Variants in DPP10 observed in about 807,000 individuals in gnomAD.
DPP10 encodes inactive dipeptidyl peptidase 10.
DPP10 carries 33 observed loss-of-function variants against 120.9 expected under a neutral mutation model. That is an observed-to-expected ratio of 0.27 (90% confidence interval 0.21 to 0.37). The LOEUF is 0.37. Ranked by LOEUF, DPP10 falls within the 10% of genes least tolerant of loss-of-function variation. The pLI, the probability that DPP10 is intolerant of heterozygous loss-of-function variation, is 1.00. For missense variants in DPP10, 816 were observed against 942.8 expected, an observed-to-expected ratio of 0.87 and a Z score of 1.76; for synonymous variants, 337 against 326.1, an observed-to-expected ratio of 1.03 and a Z score of -0.36.
At chr2:115,263,682 T>C (rs1574216607) in intron 1 of DPP10, among the ~76,000 whole-genome samples, 1 of 152,346 alleles carries the variant, frequency 6.6e-6, no homozygotes, top group African/African-American at 2.4e-5. Flanking sequence ...ATAAACATTC[T>C]ACTCTTGTAT....
intron 1 of DPP10, among the ~76,000 whole-genome samples, chr2:114,736,432 C>A (rs963182942): frequency 3.3e-5 from 5 of 152,150 alleles, no homozygotes; most frequent in African/African-American, 1.2e-4. Flanking sequence ...GATGGATTTA[C>A]ATGCATACAG....
chr2:115,076,088 T>G (rs1166562014), intron 1 of DPP10, among the ~76,000 whole-genome samples: 1 of 152,166 alleles, frequency 6.6e-6, no homozygotes, highest in Admixed American at 6.5e-5. Flanking sequence ...TCTCCACATC[T>G]ACCTTATAAA....
At chr2:114,586,440 C>T (rs1340131120) in intron 1 of DPP10, among the ~76,000 whole-genome samples, 2 of 152,172 alleles carry the variant, frequency 1.3e-5, no homozygotes, top group Non-Finnish European at 2.9e-5. Flanking sequence ...GCAAATTAAT[C>T]CTAAACCTTA....
At chr2:115,525,694 A>G (rs1306230810) in intron 4 of DPP10, among the ~76,000 whole-genome samples, 1 of 152,090 alleles carries the variant, frequency 6.6e-6, no homozygotes, top group South Asian at 2.1e-4. Flanking sequence ...ACCTGTTCTT[A>G]CTGAAATGTC....
At chr2:114,520,420 C>G (rs1684957372) in intron 1 of DPP10, among the ~76,000 whole-genome samples, 1 of 152,200 alleles carries the variant, frequency 6.6e-6, no homozygotes, top group Non-Finnish European at 1.5e-5. Flanking sequence ...AGGCAAAACA[C>G]CGACTGCAAG....
chr2:115,532,926 T>C (rs1253610430), intron 5 of DPP10, among the ~76,000 whole-genome samples: 3 of 152,004 alleles, frequency 2.0e-5, no homozygotes, highest in African/African-American at 7.2e-5. Flanking sequence ...TATTGGTCCA[T>C]TGGAATTATT....
At chr2:114,577,833 T>G (rs1690183537) in intron 1 of DPP10, among the ~76,000 whole-genome samples, 1 of 152,184 alleles carries the variant, frequency 6.6e-6, no homozygotes, top group African/African-American at 2.4e-5. Flanking sequence ...CCCTGATCTC[T>G]TGCCTTTATT....
chr2:115,447,672 G>A (rs2072735234), intron 3 of DPP10, among the ~76,000 whole-genome samples: 1 of 152,132 alleles, frequency 6.6e-6, no homozygotes, highest in Non-Finnish European at 1.5e-5. Flanking sequence ...GGTCTTTCCT[G>A]CTGCCTTTTG....
intron 1 of DPP10, among the ~76,000 whole-genome samples, chr2:115,111,572 C>T (rs1573653882): frequency 6.6e-6 from 1 of 152,036 alleles, no homozygotes; most frequent in South Asian, 2.1e-4. Flanking sequence ...ACCCAGGAGG[C>T]GGTGTGATCT....
intron 1 of DPP10, among the ~76,000 whole-genome samples, chr2:114,470,911 G>C (rs1047158214): frequency 2.6e-5 from 4 of 152,156 alleles, no homozygotes; most frequent in African/African-American, 9.7e-5. Context: ...CTCATTGGTG[G>C]AGTCTTGTTT....
At chr2:115,125,183 A>T (rs1416317004) in intron 1 of DPP10, among the ~76,000 whole-genome samples, 2 of 152,236 alleles carry the variant, frequency 1.3e-5, no homozygotes, top group Non-Finnish European at 2.9e-5. Context: ...TTCAAATGTC[A>T]GAAGTAATGA....
At chr2:115,577,710 G>A (rs1558874730) in intron 5 of DPP10, among the ~76,000 whole-genome samples, 1 of 152,068 alleles carries the variant, frequency 6.6e-6, no homozygotes, top group Non-Finnish European at 1.5e-5. Flanking sequence ...TGTCTTTTGA[G>A]GCCTTTCTCT....
At chr2:115,404,667 A>C (rs1185858361) in intron 3 of DPP10, among the ~76,000 whole-genome samples, 2 of 152,092 alleles carry the variant, frequency 1.3e-5, no homozygotes, top group East Asian at 1.9e-4. Flanking sequence ...AGCATTGTGG[A>C]GGCTGGAAAG....
At position 115,426,642 on chromosome 2, in the gene DPP10, C is replaced by T. The variant is rs185976331; in HGVS notation, c.272-72868C>T. Among the ~76,000 whole-genome samples the T allele has an allele frequency of 2.3e-4, 35 of 151,900 alleles. 1 individual carries two copies. In the East Asian group the frequency reaches 4.3e-3, roughly 19 times the overall value. ...GATTCTCACCAGGTGCCACCTCCGA[C>T]GCTGGAGATGACATTTCAACATGAG... is the stretch of plus-strand genomic sequence containing the variant. On this transcript the variant is annotated intron_variant, in intron 3 of 25. Coordinates refer to ENST00000410059, the MANE Select transcript of DPP10 (RefSeq NM_020868.6).
chr2:115,393,427 G>A (rs757677009), intron 3 of DPP10, among the ~76,000 whole-genome samples: 1 of 152,162 alleles, frequency 6.6e-6, no homozygotes, highest in Non-Finnish European at 1.5e-5. Context: ...ACCATCGAAT[G>A]TTTTAGTGGT....
At chr2:115,559,663 A>G (rs114078309) in intron 5 of DPP10, among the ~76,000 whole-genome samples, 77 of 152,182 alleles carry the variant, frequency 5.1e-4, no homozygotes, top group African/African-American at 1.7e-3. Context: ...TGTTTTCATA[A>G]CTGTGTGAAT....
intron 1 of DPP10, among the ~76,000 whole-genome samples, chr2:114,767,207 C>CAAAAAAAAAAAAAAAAAAAAAAAAAAAA (rs5833559): frequency 3.0e-5 from 1 of 33,060 alleles, no homozygotes; most frequent in Non-Finnish European, 5.0e-5. Flanking sequence ...AGGATAAAAG[C>CAAAAAAAAAAAAAAAAAAAAAAAAAAAA]AAAAAAAAAA....
chr2:114,985,446 C>T (rs1700338690), intron 1 of DPP10, among the ~76,000 whole-genome samples: 1 of 152,226 alleles, frequency 6.6e-6, no homozygotes, highest in Non-Finnish European at 1.5e-5. Flanking sequence ...TGTGTATTGT[C>T]TGCTCCAGTA....
intron 3 of DPP10, 87 bp downstream of exon 3, chr2:115,343,999 A>G: frequency 9.2e-7 from 1 of 1,085,646 alleles, no homozygotes; most frequent in Non-Finnish European, 1.3e-6. Context: ...AGCTGGGCGC[A>G]ATGGCTTATG....
Sources: gnomAD v4.1 joint callset for allele counts (sites outside exome capture counted in the v4.1 genomes callset) on GRCh38, gnomAD v4.1.1 for gene constraint, MANE v1.5 for transcripts, NCBI Gene and HGNC (gene_info 2026-07-23, HGNC 2026-07-21) for gene names.